OR1I1: variants seen among roughly 807,000 people sequenced by gnomAD.
OR1I1 encodes olfactory receptor family 1 subfamily I member 1.
For missense variants in OR1I1, 451 were observed against 443.6 expected, an observed-to-expected ratio of 1.02 and a Z score of -0.15; for synonymous variants, 171 against 181.4, an observed-to-expected ratio of 0.94 and a Z score of 0.46.
intron 1 of OR1I1, among the ~76,000 whole-genome samples, chr19:15,085,167 TATATATATA>T (rs1454787713): frequency 0.022 from 926 of 41,460 alleles, 100 homozygotes; most frequent in Middle Eastern, 0.033. Flanking sequence ...TATATATATA[TATATATATA>T]TTTTTTTTTT....
Position 15,087,116 on chromosome 19 carries a change from C to G in OR1I1, c.51C>G (p.Leu17=). The change falls in exon 2 of 2, where the codon CTC becomes CTG. Residue 17 remains leucine, a synonymous_variant. Coordinates refer to ENST00000641398, the MANE Select transcript of OR1I1 (RefSeq NM_001004713.2). ...TEISEFFLQG[L]SEKPEHQTLL... ...TCTCAGAATTCTTCCTCCAGGGACT[C>G]TCAGAAAAGCCAGAGCATCAGACCC... The G allele has an allele frequency of 6.2e-7, 1 of 1,614,048 alleles. No individual in the cohort carries two copies. Among genetic ancestry groups the G allele is most frequent in the Non-Finnish European group, 8.5e-7 (1 of 1,179,978 alleles).
At position 15,087,965 on chromosome 19, in the gene OR1I1, C is replaced by T; in HGVS notation, c.900C>T (p.Ala300=). ...TACGGAACAAGGATATGAAGGCAGC[C>T]CTGGGGAAGCTCATCGGCAAAGTGG... The part of the protein sequence containing the change: ...YSIRNKDMKA[A]LGKLIGKVAV... The change falls in exon 2 of 2, where the codon GCC becomes GCT. Residue 300 remains alanine, a synonymous_variant. Transcript: ENST00000641398. 1 of 1,614,146 alleles carries T rather than the reference C, an allele frequency of 6.2e-7. No individual in the cohort carries two copies. Among genetic ancestry groups the T allele is most frequent in the Non-Finnish European group, 8.5e-7 (1 of 1,180,042 alleles).
chr19:15,092,949 T>A lies in OR1I1; in HGVS notation c.*4816T>A, dbSNP rs373688318. 1 of 152,154 alleles carries A rather than the reference T, an allele frequency of 6.6e-6. No individual in the cohort carries two copies. Among genetic ancestry groups the A allele is most frequent in the African/African-American group, 2.4e-5 (1 of 41,414 alleles). 9.4% of individuals were successfully genotyped at this position (152,154 alleles called of 1,614,324 possible). On this transcript the variant is annotated 3_prime_UTR_variant, in exon 2 of 2. Transcript: ENST00000641398. ...AGGAGGTCAAGGCTGCAGTGAGCTA[T>A]GATTGCACCACCGCACTCCAGCCTG...
Position 15,087,718 on chromosome 19 carries a change from A to G in OR1I1, c.653A>G (p.Tyr218Cys), listed in dbSNP as rs911750295. ...TSPFSCILLS[Y>C]IRIFWTVFKI... ...CCATTCTCCTGCATCCTTCTCTCGT[A>G]CATCCGCATTTTCTGGACAGTCTTT... Residue 218 changes from tyrosine (Y) to cysteine (C), a missense_variant, in exon 2 of 2, where the codon TAC becomes TGC. Physicochemically the swap from Tyr to Cys is radical, Grantham distance 194. Transcript: ENST00000641398. The G allele has an allele frequency of 1.2e-6, 2 of 1,614,204 alleles. No individual in the cohort carries two copies. The highest frequency in any genetic ancestry group is 2.7e-5 in the African/African-American group (2 of 75,048).
At chr19:15,085,297 A>C (rs113406036) in intron 1 of OR1I1, among the ~76,000 whole-genome samples, 3,163 of 150,840 alleles carry the variant, frequency 0.021, 117 homozygotes, top group African/African-American at 0.073. Context: ...CAGCCTCCCA[A>C]GTAGCTGGGA....
In OR1I1 at chr19:15,088,149, C is replaced by A. The variant is rs551043979; in HGVS notation, c.*16C>A. On this transcript the variant is annotated 3_prime_UTR_variant, in exon 2 of 2. Coordinates refer to ENST00000641398, the MANE Select transcript of OR1I1 (RefSeq NM_001004713.2). The stretch of plus-strand genomic sequence containing the variant: ...CATGGAATAAATCCTTCCAGTACAA[C>A]GTGATAAATGTGTCATAAAGAGATG... The A allele has an allele frequency of 1.3e-6, 2 of 1,533,904 alleles. No homozygotes were observed. The highest frequency in any genetic ancestry group is 2.5e-5 in the East Asian group (1 of 40,718).
In OR1I1 at chr19:15,087,058, G is replaced by T; in HGVS notation, c.-8G>T. On this transcript the variant is annotated 5_prime_UTR_variant, in exon 2 of 2. Transcript: ENST00000641398. Reference sequence around the variant, plus strand: ...TCCCTTTTTGTTCCCACTAGTCACAGACCATACATGGAACCAGAAAAGCAA... The same window carrying T: ...TCCCTTTTTGTTCCCACTAGTCACATACCATACATGGAACCAGAAAAGCAA... 3 of 1,602,766 alleles carry T rather than the reference G, an allele frequency of 1.9e-6. No homozygotes were observed. Among genetic ancestry groups the T allele is most frequent in the South Asian group, 1.1e-5 (1 of 88,898 alleles).
chr19:15,086,599 G>A lies in OR1I1; in HGVS notation c.-13-454G>A, dbSNP rs990283510. ...CTCTAGAGTAGCTGGGATTGCAGGC[G>A]CCCACCACCACGCCTGATTAATTTT... On this transcript the variant is annotated intron_variant, in intron 1 of 1. Transcript: ENST00000641398. Among the ~76,000 whole-genome samples the A allele has an allele frequency of 2.6e-5, 4 of 151,830 alleles. No individual in the cohort carries two copies. In the East Asian group the frequency reaches 7.8e-4, roughly 30 times the overall value.
intron 1 of OR1I1, among the ~76,000 whole-genome samples, chr19:15,083,808 C>T (rs542578073): frequency 1.3e-5 from 2 of 152,040 alleles, no homozygotes; most frequent in African/African-American, 2.4e-5. Flanking sequence ...TTAGTAGAGG[C>T]GAAACCCCGT....
intron 1 of OR1I1, among the ~76,000 whole-genome samples, chr19:15,084,530 C>G (rs1162057684): frequency 6.6e-6 from 1 of 152,026 alleles, no homozygotes; most frequent in Non-Finnish European, 1.5e-5. Flanking sequence ...TGCACTCCAG[C>G]TTGGGTGACA....
intron 1 of OR1I1, among the ~76,000 whole-genome samples, chr19:15,084,419 G>A (rs965100353): frequency 1.3e-5 from 2 of 152,114 alleles, no homozygotes; most frequent in Admixed American, 6.6e-5. Flanking sequence ...TTAGCCATGC[G>A]TGGTGGTGCT....
chr19:15,085,164 A>AT (rs2046224804), intron 1 of OR1I1, among the ~76,000 whole-genome samples: 1 of 31,330 alleles, frequency 3.2e-5, no homozygotes, highest in African/African-American at 1.4e-4. Context: ...ATATATATAT[A>AT]TATATATATA....
intron 1 of OR1I1, among the ~76,000 whole-genome samples, chr19:15,083,066 C>G (rs908573164): frequency 1.1e-4 from 16 of 152,100 alleles, no homozygotes; most frequent in African/African-American, 3.6e-4. Flanking sequence ...CTTGGCCCCC[C>G]AAGCAGCTGG....
At chr19:15,082,474 G>A (rs571301422) in intron 1 of OR1I1, among the ~76,000 whole-genome samples, 198 bp downstream of exon 1, 2 of 140,174 alleles carry the variant, frequency 1.4e-5, no homozygotes, top group East Asian at 1.9e-4. Context: ...CCTAGAGGCC[G>A]AGAGAGAGAG....
Position 15,088,031 on chromosome 19 carries a change from T to C in OR1I1, c.966T>C (p.Tyr322=), listed in dbSNP as rs2046238987. 2 of 1,613,176 alleles carry C rather than the reference T, an allele frequency of 1.2e-6. No individual in the cohort carries two copies. The highest frequency in any genetic ancestry group is 1.7e-6 in the Non-Finnish European group (2 of 1,179,346). ...CPRPEQLLDV[Y]HVPGSLLAAR... is the part of the protein sequence containing the mutation. Reference sequence around the variant, plus strand: ...GGCCAGAACAGTTATTGGATGTTTATCATGTTCCAGGATCACTGTTGGCTG... The same window carrying C: ...GGCCAGAACAGTTATTGGATGTTTACCATGTTCCAGGATCACTGTTGGCTG... The change falls in exon 2 of 2, where the codon TAT becomes TAC. Residue 322 remains tyrosine, a synonymous_variant. Coordinates refer to ENST00000641398, the MANE Select transcript of OR1I1 (RefSeq NM_001004713.2).
rs1043343979 is a variant in OR1I1 at position 15,089,732 on chromosome 19, G to C, written c.*1599G>C. The C allele has an allele frequency of 2.6e-5, 4 of 152,082 alleles. No homozygotes were observed. The highest frequency in any genetic ancestry group is 4.4e-5 in the Non-Finnish European group (3 of 68,026). 9.4% of individuals were successfully genotyped at this position (152,082 alleles called of 1,614,324 possible). On this transcript the variant is annotated 3_prime_UTR_variant, in exon 2 of 2. Transcript: ENST00000641398. The stretch of plus-strand genomic sequence containing the variant: ...TGCACCTGTCATCTTAGTTACTCGG[G>C]AGGCTGAGACAGGAGGACCTCTTGA...
intron 1 of OR1I1, among the ~76,000 whole-genome samples, chr19:15,085,163 TATATATATA>T (rs1255087242): frequency 0.12 from 5,681 of 48,950 alleles, 778 homozygotes; most frequent in Non-Finnish European, 0.15. Context: ...TATATATATA[TATATATATA>T]TATATTTTTT....
intron 1 of OR1I1, 39 bp from the exon 2 acceptor site, chr19:15,087,014 T>A: frequency 6.4e-7 from 1 of 1,553,522 alleles, no homozygotes; most frequent in Non-Finnish European, 8.7e-7. Flanking sequence ...CTCTGACACC[T>A]GGCTCTGTGT....
chr19:15,087,443 T>C lies in OR1I1; in HGVS notation c.378T>C (p.Ile126=), dbSNP rs1170369051. 2 of 1,614,100 alleles carry C rather than the reference T, an allele frequency of 1.2e-6. No individual in the cohort carries two copies. The highest frequency in any genetic ancestry group is 1.7e-6 in the Non-Finnish European group (2 of 1,179,974). ...TGGCCATCGACCGCTTCGTGGCCAT[T>C]GTCCACCCACAGCGTTACTTGGTTC... ...AVMAIDRFVA[I]VHPQRYLVLM... Residue 126 remains isoleucine (I), a synonymous_variant, in exon 2 of 2, where the codon ATT becomes ATC. Coordinates refer to ENST00000641398, the MANE Select transcript of OR1I1 (RefSeq NM_001004713.2).
Sources: allele counts gnomAD v4.1 joint callset (sites outside exome capture counted in the v4.1 genomes callset), GRCh38; gene constraint gnomAD v4.1.1; transcripts MANE v1.5; gene names NCBI Gene and HGNC (gene_info 2026-07-23, HGNC 2026-07-21).